The following USF3 variants were observed in gnomAD, a reference collection of about 807,000 sequenced individuals.
The protein encoded by USF3 is upstream transcription factor family member 3.
A neutral mutation model predicts 157.5 loss-of-function variants in USF3; 29 were observed. That is an observed-to-expected ratio of 0.18 (90% confidence interval 0.14 to 0.25). The LOEUF (loss-of-function observed/expected upper bound fraction) is 0.25. Among genes scored for constraint, USF3 ranks in the 10% least tolerant of loss-of-function variants. USF3 has a pLI of 1.00. For synonymous variants in USF3, 893 were observed against 941.4 expected (o/e 0.95, Z 0.94); for missense variants, 2,381 against 2,667.6 (o/e 0.89, Z 2.37).
intron 1 of USF3, among the ~76,000 whole-genome samples, chr3:113,680,581 G>T (rs756459242): frequency 6.6e-5 from 10 of 152,188 alleles, no homozygotes; most frequent in Non-Finnish European, 1.3e-4. Context: ...GGAGGCCAAG[G>T]GAGGCATATC....
At position 113,652,124 on chromosome 3, in the gene USF3, TGTGTGTGTGTGTG is replaced by T. The variant is rs1947273423; in HGVS notation, c.*2807_*2819del. On this transcript the variant is annotated 3_prime_UTR_variant, in exon 7 of 7. Transcript: ENST00000316407. The stretch of plus-strand genomic sequence containing the variant: ...GAGAGAGAGAGTGTGTGTGTGTGTG[TGTGTGTGTGTGTG>T]TGTATATGTGTATGAGAGACAGAGA... The T allele has an allele frequency of 6.7e-6, 1 of 150,084 alleles. No homozygotes were observed. Among genetic ancestry groups the T allele is most frequent in the African/African-American group, 2.4e-5 (1 of 40,834 alleles). 9.3% of individuals were successfully genotyped at this position (150,084 alleles called of 1,614,324 possible).
chr3:113,655,423 C>T lies in USF3; in HGVS notation c.6259G>A (p.Val2087Ile). ...INANASFIPQ[V>I]TQPSATRTPA... ...GTTCGAGTGGCACTAGGCTGAGTAACCTGTGGAATGAAAGAAGCATTAGCA... is the reference window on the plus strand; with the variant it reads ...GTTCGAGTGGCACTAGGCTGAGTAATCTGTGGAATGAAAGAAGCATTAGCA... Residue 2087 changes from valine (V) to isoleucine (I), a missense_variant, in exon 7 of 7, where the codon GTT becomes ATT. This residue lies in a region of USF3 where 770 missense variants were observed against 824.2 expected (regional missense o/e 0.93). Transcript: ENST00000316407. 3 of 1,614,076 alleles carry T rather than the reference C, an allele frequency of 1.9e-6. No individual in the cohort carries two copies. The highest frequency in any genetic ancestry group is 2.5e-6 in the Non-Finnish European group (3 of 1,180,036).
chr3:113,696,190 C>G (rs962599069), intron 1 of USF3, among the ~76,000 whole-genome samples, 180 bp downstream of exon 1: 17 of 152,178 alleles, frequency 1.1e-4, no homozygotes, highest in African/African-American at 3.9e-4. Flanking sequence ...GCTGACGCCC[C>G]ACCAGGTGCC....
In USF3 at chr3:113,652,334, T is replaced by C. The variant is rs965960664; in HGVS notation, c.*2610A>G. ...AGAGAATTAAAAAGCAAGTCATAAA[T>C]GCCACATTTTTCCTCAATAAAAAGT... On this transcript the variant is annotated 3_prime_UTR_variant, in exon 7 of 7. Coordinates refer to ENST00000316407, the MANE Select transcript of USF3 (RefSeq NM_001009899.4). The C allele has an allele frequency of 3.3e-5, 5 of 152,136 alleles. No homozygotes were observed. Among genetic ancestry groups the C allele is most frequent in the African/African-American group, 1.2e-4 (5 of 41,436 alleles). The allele number at this position is 152,136 out of a possible 1,614,324, so 9.4% of individuals were successfully genotyped here.
In USF3 at chr3:113,652,108, A is replaced by AGAGAGAGTGTGTGTGTGTGTGTGT. The variant is rs1266464109; in HGVS notation, c.*2835_*2836insACACACACACACACACACTCTCTC. On this transcript the variant is annotated 3_prime_UTR_variant, in exon 7 of 7. Transcript: ENST00000316407. ...TGGAGAGAGAGAGAGAGAGAGAGAG[A>AGAGAGAGTGTGTGTGTGTGTGTGT]GTGTGTGTGTGTGTGTGTGTGTGTG... 8 of 141,976 alleles carry AGAGAGAGTGTGTGTGTGTGTGTGT rather than the reference A, an allele frequency of 5.6e-5. No homozygotes were observed. The highest frequency in any genetic ancestry group is 2.1e-4 in the African/African-American group (8 of 38,274). 8.8% of individuals were successfully genotyped at this position (141,976 alleles called of 1,614,324 possible). A position where few individuals can be genotyped will look rare whatever the true frequency, so the allele number is the denominator to read the frequency against.
chr3:113,658,616 AAG>A lies in USF3; in HGVS notation c.3064_3065del (p.Leu1022PhefsTer2). On this transcript the variant is annotated frameshift_variant, in exon 7 of 7. Coordinates refer to ENST00000316407, the MANE Select transcript of USF3 (RefSeq NM_001009899.4). LOFTEE classifies it high-confidence loss of function. ...AGTCAGGATGATCCATCTGATCAGA[AAG>A]AGATGATTTCTGAGGGTTTTTTTTT... ...AKKKNPQKSS[L>X]SDQMDHPDFS... 1 of 1,613,984 alleles carries A rather than the reference AAG, an allele frequency of 6.2e-7. No homozygotes were observed. The highest frequency in any genetic ancestry group is 1.7e-5 in the Admixed American group (1 of 60,000).
Position 113,649,162 on chromosome 3 carries a change from CAT to C in USF3, c.*5780_*5781del, listed in dbSNP as rs1280544729. 1 of 152,190 alleles carries C rather than the reference CAT, an allele frequency of 6.6e-6. No individual in the cohort carries two copies. The highest frequency in any genetic ancestry group is 1.5e-5 in the Non-Finnish European group (1 of 68,026). The allele number at this position is 152,190 out of a possible 1,614,324, so 9.4% of individuals were successfully genotyped here. A position where few individuals can be genotyped will look rare whatever the true frequency, so the allele number is the denominator to read the frequency against. ...TACATCTAACTTTAAGTTCCTATGACATAGTACGGTGTTAGTATGGTGTATAG... is the reference window on the plus strand; with the variant it reads ...TACATCTAACTTTAAGTTCCTATGACAGTACGGTGTTAGTATGGTGTATAG... On this transcript the variant is annotated 3_prime_UTR_variant, in exon 7 of 7. Transcript: ENST00000316407.
intron 1 of USF3, among the ~76,000 whole-genome samples, chr3:113,687,334 G>A (rs1218335523): frequency 6.6e-6 from 1 of 151,164 alleles, no homozygotes; most frequent in African/African-American, 2.4e-5. Flanking sequence ...TGTTTCCCCT[G>A]CCCCACTCTT....
rs1313729933 is a variant in USF3, at chr3:113,660,900, A to T, written c.782T>A (p.Ile261Asn). The change falls in exon 7 of 7, where the codon ATT becomes AAT. Residue 261 changes from isoleucine (I) to asparagine (N), a missense_variant. Ile to Asn is a moderately radical substitution (Grantham distance 149). This residue lies in a region of USF3 where 1,435 missense variants were observed against 1,550.9 expected (regional missense o/e 0.93). Coordinates refer to ENST00000316407, the MANE Select transcript of USF3 (RefSeq NM_001009899.4). ...ATGATGTTGGTGAGGCTCAGATTCA[A>T]TTGAAACAGCAATCAGTGAGCCACT... ...ATSGSLIAVS[I>N]ESEPHQHHSL... 1 of 1,614,196 alleles carries T rather than the reference A, an allele frequency of 6.2e-7. No individual in the cohort carries two copies. Among genetic ancestry groups the T allele is most frequent in the Admixed American group, 1.7e-5 (1 of 60,018 alleles).
At chr3:113,679,347 C>T (rs1430228672) in intron 1 of USF3, among the ~76,000 whole-genome samples, 1 of 150,722 alleles carries the variant, frequency 6.6e-6, no homozygotes, top group African/African-American at 2.4e-5. Context: ...TGGGTTTTGA[C>T]GAATGCACAC....
rs77428363 is a variant in USF3, at chr3:113,682,595, T to A, written c.-134-5198A>T. Among the ~76,000 whole-genome samples the A allele has an allele frequency of 1.7e-3, 257 of 152,334 alleles. 1 individual carries two copies. The highest frequency in any genetic ancestry group is 5.9e-3 in the African/African-American group (247 of 41,576). On this transcript the variant is annotated intron_variant, in intron 1 of 6. Transcript: ENST00000316407. ...CCAACTATTATTGTATTGGGGTCTA[T>A]CTCTCTTTGATATAGTAATATTTGC... is the stretch of plus-strand genomic sequence containing the variant.
Position 113,670,165 on chromosome 3 carries a change from T to C in USF3, c.115A>G (p.Asn39Asp). 1 of 1,613,738 alleles carries C rather than the reference T, an allele frequency of 6.2e-7. No individual in the cohort carries two copies. Among genetic ancestry groups the C allele is most frequent in the Middle Eastern group, 1.6e-4 (1 of 6,062 alleles). ...CATGGGATCAGCTCTCCTATTCTGT[T>C]TATCCCAGCATTAATTTTCTTCTTT... Reference protein sequence around the residue: ...HRKKKINAGINRIGELIPCSP... With the variant: ...HRKKKINAGIDRIGELIPCSP... The change falls in exon 5 of 7, where the codon AAC becomes GAC. Residue 39 changes from asparagine to aspartate, a missense_variant. Around this residue, in one of 6 missense-constraint regions of USF3, gnomAD observed 105 missense variants for 158.6 expected, o/e 0.66. Transcript: ENST00000316407.
At chr3:113,670,026 T>C in intron 5 of USF3, 95 bp downstream of exon 5, 1 of 793,238 alleles carries the variant, frequency 1.3e-6, no homozygotes, top group Non-Finnish European at 2.2e-6. Context: ...TACATAGAAA[T>C]AGAAAGCAAC....
At chr3:113,676,953 A>G (rs939929084) in intron 2 of USF3, among the ~76,000 whole-genome samples, 2 of 152,178 alleles carry the variant, frequency 1.3e-5, no homozygotes, top group African/African-American at 4.8e-5. Context: ...GTTACCTAGT[A>G]GTAATAAGGA....
At position 113,660,413 on chromosome 3, in the gene USF3, G is replaced by A. The variant is rs1245957846; in HGVS notation, c.1269C>T (p.Ile423=). The part of the protein sequence containing the change: ...DLKNINSLTR[I]SSAGNTQTTW... ...TTGTCTGTGTGTTTCCAGCTGAAGA[G>A]ATTCGTGTAAGGCTATTAATGTTTT... Residue 423 remains isoleucine, a synonymous_variant, in exon 7 of 7, where the codon ATC becomes ATT. Coordinates refer to ENST00000316407, the MANE Select transcript of USF3 (RefSeq NM_001009899.4). 1 of 1,614,068 alleles carries A rather than the reference G, an allele frequency of 6.2e-7. No individual in the cohort carries two copies. Among genetic ancestry groups the A allele is most frequent in the Admixed American group, 1.7e-5 (1 of 60,008 alleles).
intron 5 of USF3, among the ~76,000 whole-genome samples, chr3:113,665,861 A>G (rs1469146613): frequency 6.6e-6 from 1 of 151,100 alleles, no homozygotes; most frequent in Non-Finnish European, 1.5e-5. Context: ...CATACAGACA[A>G]AAGGATTTTG....
At chr3:113,669,314 T>TAA (rs77336911) in intron 5 of USF3, among the ~76,000 whole-genome samples, 1 of 140,572 alleles carries the variant, frequency 7.1e-6, no homozygotes, top group African/African-American at 2.6e-5. Context: ...AATATAACAG[T>TAA]AAAAAAAAAA....
At chr3:113,667,664 T>G (rs886841002) in intron 5 of USF3, among the ~76,000 whole-genome samples, 8 of 152,030 alleles carry the variant, frequency 5.3e-5, no homozygotes, top group African/African-American at 1.9e-4. Flanking sequence ...GTCAGGAGTT[T>G]GAGACCAGCC....
Position 113,655,987 on chromosome 3 carries a change from T to C in USF3, c.5695A>G (p.Ser1899Gly), listed in dbSNP as rs1035015176. The C allele has an allele frequency of 1.9e-6, 3 of 1,614,078 alleles. No individual in the cohort carries two copies. In the African/African-American group the frequency reaches 4.0e-5, roughly 22 times the overall value. Residue 1899 changes from serine (S) to glycine (G), a missense_variant, in exon 7 of 7, where the codon AGT becomes GGT. Around this residue, in one of 6 missense-constraint regions of USF3, gnomAD observed 770 missense variants for 824.2 expected, o/e 0.93. Transcript: ENST00000316407. ...TGAATATCTCCTGAGGAAGAGGAAC[T>C]TGAAAAAGGAATATTCAAGGTGCTG... ...RNSTLNIPFS[S>G]SSSSGDIQGR...
Sources: allele counts gnomAD v4.1 joint callset (sites outside exome capture counted in the v4.1 genomes callset), GRCh38; gene constraint gnomAD v4.1.1; regional missense constraint gnomAD v4.1.1; transcripts MANE v1.5; gene names NCBI Gene and HGNC (gene_info 2026-07-23, HGNC 2026-07-21).